EML2: variants seen among roughly 807,000 people sequenced by gnomAD.
EML2 encodes the protein echinoderm microtubule-associated protein-like 2.
In EML2, 59 loss-of-function variants were observed where a neutral mutation model predicts 84.7. The observed-to-expected ratio is 0.70, with a 90% CI of 0.56 to 0.86. The LOEUF is 0.86. EML2 is among the 40% of genes least tolerant of loss of function. EML2 has a pLI of 0.00. For missense variants in EML2, 818 were observed against 855.6 expected (o/e 0.96, Z 0.55); for synonymous variants, 352 against 348.9 (o/e 1.01, Z -0.10).
intron 16 of EML2, 46 bp from the exon 17 acceptor site, chr19:45,614,746 C>G: frequency 6.9e-7 from 1 of 1,455,852 alleles, no homozygotes; most frequent in African/African-American, 1.4e-5. Flanking sequence ...GAAGAACTAC[C>G]CAGTAAACCC....
rs1411123632 is a variant in EML2 at position 45,609,711 on chromosome 19, C to T, written c.1902G>A (p.Leu634=). The T allele has an allele frequency of 6.2e-7, 1 of 1,613,498 alleles. No individual in the cohort carries two copies. The highest frequency in any genetic ancestry group is 1.3e-5 in the African/African-American group (1 of 74,882). Residue 634 remains leucine, a synonymous_variant, in exon 19 of 19, where the codon CTG becomes CTA. Coordinates refer to ENST00000245925, the MANE Select transcript of EML2 (RefSeq NM_012155.4). ...VAFLWDDSMA[L]TTGGKDTSVL... is the part of the protein sequence containing the mutation. ...CACTGGTGTCCTTGCCCCCTGTGGTCAGGGCCATGCTGTCATCCCACAAGA... is the reference window on the plus strand; with the variant it reads ...CACTGGTGTCCTTGCCCCCTGTGGTTAGGGCCATGCTGTCATCCCACAAGA...
chr19:45,641,715 G>T, upstream of EML2: 1 of 1,536,088 alleles, frequency 6.5e-7, no homozygotes. Context: ...GCACCGAGGC[G>T]AGGCGCTCTG....
chr19:45,633,241 A>C, intron 4 of EML2, 102 bp from the exon 5 acceptor site: 1 of 1,161,374 alleles, frequency 8.6e-7, no homozygotes. Flanking sequence ...GAGTTTAGTC[A>C]ATAAACGTGT....
Position 45,638,626 on chromosome 19 carries a change from A to C in EML2, c.58T>G (p.Ser20Ala). Residue 20 changes from serine to alanine, a missense_variant, in exon 3 of 19, where the codon TCC becomes GCC. Ser to Ala is a moderately conservative substitution (Grantham distance 99, BLOSUM62 1). Transcript: ENST00000245925. The part of the protein sequence containing the change: ...KEVIFSVEDG[S>A]VKMFLRGRPV... Reference sequence around the variant, plus strand: ...CGGCCCCTCAGGAACATTTTCACGGAGCCATCCTCTGCCAGGACACCCCCA... The same window carrying C: ...CGGCCCCTCAGGAACATTTTCACGGCGCCATCCTCTGCCAGGACACCCCCA... 1 of 1,613,838 alleles carries C rather than the reference A, an allele frequency of 6.2e-7. No individual in the cohort carries two copies. Among genetic ancestry groups the C allele is most frequent in the Non-Finnish European group, 8.5e-7 (1 of 1,179,948 alleles).
chr19:45,611,654 T>C (rs1408863973), intron 18 of EML2, among the ~76,000 whole-genome samples: 1 of 151,774 alleles, frequency 6.6e-6, no homozygotes. Context: ...CATGACTAAT[T>C]TTTTTGCATT....
chr19:45,621,439 G>C lies in EML2; in HGVS notation c.996+44C>G, dbSNP rs369589062. ...GCGTTGGGAGCCCTGGTGAGATCGG[G>C]GGGGGCCTCTCTACCCCCATCTGAG... On this transcript the variant is annotated intron_variant, in intron 10 of 18. Coordinates refer to ENST00000245925, the MANE Select transcript of EML2 (RefSeq NM_012155.4). 4.4e-6 allele frequency: 7 copies of C among 1,591,890 alleles called. No homozygotes were observed. The Admixed American group carries it at 1.0e-4, about 23-fold the overall frequency.
At chr19:45,643,237 C>T (rs553912958), upstream of EML2, among the ~76,000 whole-genome samples, 2 of 152,284 alleles carry the variant, frequency 1.3e-5, no homozygotes, top group African/African-American at 4.8e-5. Flanking sequence ...CCCTCCTCTC[C>T]TCACCCTGGG....
chr19:45,628,489 G>A (rs939305191), intron 7 of EML2, among the ~76,000 whole-genome samples: 3 of 151,984 alleles, frequency 2.0e-5, no homozygotes, highest in African/African-American at 7.2e-5. Flanking sequence ...CACAGCCTCC[G>A]CACCATTTCT....
At position 45,615,792 on chromosome 19, in the gene EML2, G is replaced by C; in HGVS notation, c.1597+10C>G. 6.2e-7 allele frequency: 1 copy of C among 1,611,696 alleles called. No individual in the cohort carries two copies. Reference sequence around the variant, plus strand: ...GAGGAAGTAATGTCTCTGGGTCCCGGAGAACTCACAGTACAGAATCTCATA... The same window carrying C: ...GAGGAAGTAATGTCTCTGGGTCCCGCAGAACTCACAGTACAGAATCTCATA... On this transcript the variant is annotated intron_variant, in intron 16 of 18. Transcript: ENST00000245925.
chr19:45,630,583 CT>C (rs1972917889), intron 6 of EML2, among the ~76,000 whole-genome samples: 1 of 150,738 alleles, frequency 6.6e-6, no homozygotes, highest in African/African-American at 2.4e-5. Context: ...TTCAAAGGCC[CT>C]GGCCATTTTG....
In EML2 at chr19:45,613,624, G is replaced by A. The variant is rs745601081; in HGVS notation, c.1741C>T (p.Arg581Cys). ...ADGTDINAVARSHDGKLLASA... is the reference protein window; with the variant it reads ...ADGTDINAVACSHDGKLLASA... ...GCCAGCAACTTCCCATCATGAGAGC[G>A]GGCCACAGCGTTGATATCAGTGCCG... The change falls in exon 18 of 19, where the codon CGC becomes TGC. Residue 581 changes from arginine (R) to cysteine (C), a missense_variant. Transcript: ENST00000245925. The A allele has an allele frequency of 6.8e-6, 11 of 1,613,896 alleles. No individual in the cohort carries two copies. The highest frequency in any genetic ancestry group is 2.2e-5 in the East Asian group (1 of 44,886).
In EML2 at chr19:45,613,785, C is replaced by A. The variant is rs896458838; in HGVS notation, c.1694-114G>T. On this transcript the variant is annotated intron_variant, in intron 17 of 18. Transcript: ENST00000245925. ...TTGTTCCGACCTAGCCTGTATCTAT[C>A]CGAGGATATGAGTCAGAATTACCTT... 5.3e-6 allele frequency: 7 copies of A among 1,323,658 alleles called. No homozygotes were observed. In the African/African-American group the frequency reaches 8.8e-5, roughly 17 times the overall value. 82.0% of individuals were successfully genotyped at this position (1,323,658 alleles called of 1,614,324 possible). A position where few individuals can be genotyped will look rare whatever the true frequency, so the allele number is the denominator to read the frequency against.
intron 3 of EML2, among the ~76,000 whole-genome samples, chr19:45,636,071 A>G (rs34049302): frequency 0.13 from 19,218 of 152,132 alleles, 1,257 homozygotes; most frequent in Admixed American, 0.13. Context: ...CCTGGGCTTA[A>G]GTGATCCTCC....
chr19:45,636,453 T>A (rs571890486), intron 3 of EML2, among the ~76,000 whole-genome samples: 3 of 152,284 alleles, frequency 2.0e-5, no homozygotes, highest in Admixed American at 6.5e-5. Context: ...CATTTCTGTA[T>A]CTCCTCCTCC....
intron 18 of EML2, among the ~76,000 whole-genome samples, chr19:45,613,080 G>T (rs1415365986): frequency 6.6e-6 from 1 of 151,994 alleles, no homozygotes. Flanking sequence ...TGTGTATTTT[G>T]TAGAGATGGG....
At chr19:45,627,881 G>A (rs570467967) in intron 7 of EML2, among the ~76,000 whole-genome samples, 1 of 152,102 alleles carries the variant, frequency 6.6e-6, no homozygotes, top group Admixed American at 6.5e-5. Flanking sequence ...AACCAACATG[G>A]AGAAACTCCG....
At chr19:45,644,732 CCTT>C (rs1454373275), upstream of EML2, 3 of 455,996 alleles carry the variant, frequency 6.6e-6, no homozygotes, top group Admixed American at 7.1e-5. Flanking sequence ...CCACAGTGGT[CCTT>C]CTGGTATCAC....
upstream of EML2, chr19:45,643,449 G>A: frequency 1.7e-6 from 2 of 1,159,454 alleles, no homozygotes; most frequent in South Asian, 1.4e-5. Context: ...CCCAGATTTG[G>A]CTCTCCAGCC....
At chr19:45,612,670 C>T (rs1179738454) in intron 18 of EML2, among the ~76,000 whole-genome samples, 1 of 151,712 alleles carries the variant, frequency 6.6e-6, no homozygotes, top group Admixed American at 6.6e-5. Flanking sequence ...CAGAGTGAGA[C>T]CCTGTCTCAA....
Sources: allele counts gnomAD v4.1 joint callset (sites outside exome capture counted in the v4.1 genomes callset), GRCh38; gene constraint gnomAD v4.1.1; transcripts MANE v1.5; gene names NCBI Gene and HGNC (gene_info 2026-07-23, HGNC 2026-07-21).